CCDC183: variants seen among roughly 807,000 people sequenced by gnomAD.
CCDC183 encodes the protein coiled-coil domain containing 183, also known as coiled-coil domain-containing protein 183.
A neutral mutation model predicts 65.2 loss-of-function variants in CCDC183; 63 were observed. The ratio of observed to expected loss-of-function variants is 0.97; its 90% CI spans 0.79 to 1.19. The LOEUF is 1.19. CCDC183 is among the 50% of genes most tolerant of loss of function. CCDC183 has a pLI of 0.00. For missense variants in CCDC183, 769 were observed against 689.3 expected (o/e 1.12, Z -1.30); for synonymous variants, 323 against 276.5 (o/e 1.17, Z -1.67).
At chr9:136,805,932 T>C (rs558929770) in intron 9 of CCDC183, 146 bp from the exon 10 acceptor site, 282 of 671,592 alleles carry the variant, frequency 4.2e-4, no homozygotes, top group Middle Eastern at 8.3e-4. Flanking sequence ...AGGTTGAGGC[T>C]GCAGTGAGCT....
At chr9:136,799,562 G>GGCCA (rs1847703943) in intron 2 of CCDC183, 151 bp from the exon 3 acceptor site, 1 of 733,092 alleles carries the variant, frequency 1.4e-6, no homozygotes, top group African/African-American at 1.8e-5. Context: ...GGCCAGGATG[G>GGCCA]GGTCCCGCGG....
At chr9:136,806,728 G>C in intron 11 of CCDC183, 29 bp from the exon 12 acceptor site, 1 of 1,613,440 alleles carries the variant, frequency 6.2e-7, no homozygotes, top group East Asian at 2.2e-5. Flanking sequence ...GGGCCAGAGG[G>C]GAGATGAGAC....
chr9:136,807,719 C>T lies in CCDC183; in HGVS notation c.*29C>T, dbSNP rs562505462. On this transcript the variant is annotated 3_prime_UTR_variant, in exon 14 of 14. Coordinates refer to ENST00000338005, the MANE Select transcript of CCDC183 (RefSeq NM_001039374.5). The stretch of plus-strand genomic sequence containing the variant: ...CGCCGCCCCGCTCCCTGCTTTGCTA[C>T]ACAAATAAACATTTTTCCAGGACTG... 2 of 1,577,450 alleles carry T rather than the reference C, an allele frequency of 1.3e-6. No homozygotes were observed. The highest frequency in any genetic ancestry group is 2.3e-5 in the East Asian group (1 of 42,952).
Position 136,804,218 on chromosome 9 carries a change from C to T in CCDC183, c.667-284C>T. The T allele has an allele frequency of 2.5e-6, 1 of 404,906 alleles. No individual in the cohort carries two copies. The highest frequency in any genetic ancestry group is 4.6e-6 in the Non-Finnish European group (1 of 217,524). The allele number at this position is 404,906 out of a possible 1,614,324, so 25.1% of individuals were successfully genotyped here. Reference sequence around the variant, plus strand: ...TCTGTCTTCAGGCAGGCTGAATGCACTTCCGTGAGTTCTAGGTGGACCTGG... The same window carrying T: ...TCTGTCTTCAGGCAGGCTGAATGCATTTCCGTGAGTTCTAGGTGGACCTGG... On this transcript the variant is annotated intron_variant, in intron 6 of 13. Transcript: ENST00000338005. The surrounding 1 kb of genome is among the most constrained non-coding windows in gnomAD (Gnocchi z 4.1).
At chr9:136,807,387 G>A in intron 13 of CCDC183, 185 bp from the exon 14 acceptor site, 7 of 801,494 alleles carry the variant, frequency 8.7e-6, no homozygotes, top group South Asian at 1.8e-5. Flanking sequence ...GGTTCTGCGG[G>A]AAAGGCTAGG....
Position 136,805,372 on chromosome 9 carries a change from C to A in CCDC183, c.863C>A (p.Thr288Asn). The change falls in exon 9 of 14, where the codon ACC (threonine) becomes AAC (asparagine). Residue 288 changes from threonine to asparagine, a missense_variant. Thr to Asn is a moderately conservative substitution (Grantham distance 65, BLOSUM62 0). Transcript: ENST00000338005. The stretch of plus-strand genomic sequence containing the variant: ...GCTCTGCCAGTGAGGAGAAAAGAGA[C>A]CTCCACAGCAGAAATGGAATACCAG... The part of the protein sequence containing the change: ...TETLKLRRKE[T>N]STAEMEYQSG... 6.2e-7 allele frequency: 1 copy of A among 1,613,492 alleles called. No individual in the cohort carries two copies. The highest frequency in any genetic ancestry group is 8.5e-7 in the Non-Finnish European group (1 of 1,179,810).
intron 8 of CCDC183, 69 bp from the exon 9 acceptor site, chr9:136,805,288 C>G: frequency 7.6e-7 from 1 of 1,322,424 alleles, no homozygotes; most frequent in East Asian, 2.4e-5. Flanking sequence ...ACAGAGGTGT[C>G]TGACAGCCTT....
Position 136,805,400 on chromosome 9 carries a change from G to A in CCDC183, c.891G>A (p.Ser297=), listed in dbSNP as rs149692353. 3.8e-5 allele frequency: 62 copies of A among 1,614,022 alleles called. No individual in the cohort carries two copies. The highest frequency in any genetic ancestry group is 3.6e-4 in the East Asian group (16 of 44,872). ...ETSTAEMEYQ[S]GVTAVVEKVK... is the part of the protein sequence containing the mutation. ...CCACAGCAGAAATGGAATACCAGTC[G>A]GGCGTGACTGCTGTGGTGGAGAAGG... is the stretch of plus-strand genomic sequence containing the variant. Residue 297 remains serine (S), a synonymous_variant, in exon 9 of 14, where the codon TCG becomes TCA. Transcript: ENST00000338005.
chr9:136,802,650 C>A lies in CCDC183; in HGVS notation c.544-14C>A, dbSNP rs779643992. 3.1e-6 allele frequency: 5 copies of A among 1,602,914 alleles called. No individual in the cohort carries two copies. The South Asian group carries it at 4.5e-5, about 14-fold the overall frequency. On this transcript the variant is annotated splice_polypyrimidine_tract_variant and intron_variant, in intron 5 of 13. Coordinates refer to ENST00000338005, the MANE Select transcript of CCDC183 (RefSeq NM_001039374.5). ...CACTCTGTAGGGGCCACAAGAGAAC[C>A]CCATTCAACACAGGTGCTGGCAGGA... is the stretch of plus-strand genomic sequence containing the variant.
chr9:136,797,308 C>G (rs564000995), intron 1 of CCDC183, among the ~76,000 whole-genome samples: 1 of 152,144 alleles, frequency 6.6e-6, no homozygotes, highest in African/African-American at 2.4e-5. Flanking sequence ...TGCTACACTC[C>G]CCTCACCAAG....
In CCDC183 at chr9:136,799,194, G is replaced by T. The variant is rs770810721; in HGVS notation, c.163G>T (p.Gly55Trp). Residue 55 changes from glycine to tryptophan, a missense_variant, in exon 2 of 14, where the codon GGG (glycine) becomes TGG (tryptophan). By Grantham distance (184) the Gly-to-Trp change is radical. Transcript: ENST00000338005. ...LALLRSNIRR[G>W]AQDWALAKKY... Reference sequence around the variant, plus strand: ...CCTCCTGCGCAGCAACATCCGCCGCGGGGCCCAGGACTGGGCTTTGGCCAA... The same window carrying T: ...CCTCCTGCGCAGCAACATCCGCCGCTGGGCCCAGGACTGGGCTTTGGCCAA... 2.5e-6 allele frequency: 4 copies of T among 1,610,118 alleles called. No homozygotes were observed. In the African/African-American group the frequency reaches 5.3e-5, roughly 22 times the overall value.
intron 1 of CCDC183, among the ~76,000 whole-genome samples, chr9:136,796,681 CAT>C (rs767918624): frequency 1.5e-4 from 23 of 152,348 alleles, no homozygotes; most frequent in African/African-American, 4.1e-4. Flanking sequence ...CTCACAGAAA[CAT>C]GTGCTGTATT....
chr9:136,797,741 G>A (rs1428989581), intron 1 of CCDC183, among the ~76,000 whole-genome samples: 1 of 151,946 alleles, frequency 6.6e-6, no homozygotes, highest in Non-Finnish European at 1.5e-5. Context: ...CCCAGCCTCT[G>A]TGTCTTATTT....
chr9:136,796,372 G>GC lies in CCDC183; in HGVS notation c.-26_-25insC. 4.6e-6 allele frequency: 7 copies of GC among 1,518,130 alleles called. No homozygotes were observed. The highest frequency in any genetic ancestry group is 5.4e-6 in the Non-Finnish European group (6 of 1,109,052). 94.0% of individuals were successfully genotyped at this position (1,518,130 alleles called of 1,614,324 possible). ...CCAGGGAGGCTTTGAGGTACACAGG[G>GC]TCCCTTGGGGGGCCTGAGAGCAGCC... On this transcript the variant is annotated 5_prime_UTR_variant, in exon 1 of 14. Coordinates refer to ENST00000338005, the MANE Select transcript of CCDC183 (RefSeq NM_001039374.5).
In CCDC183 at chr9:136,806,869, T is replaced by C; in HGVS notation, c.1389+2T>C. The C allele has an allele frequency of 6.2e-7, 1 of 1,612,962 alleles. No individual in the cohort carries two copies. Among genetic ancestry groups the C allele is most frequent in the Non-Finnish European group, 8.5e-7 (1 of 1,179,848 alleles). ...CAGATGGTGTCCAGGACCGAGGAGG[T>C]AGCCCCGGGCTGGGAGGAACCTGCA... On this transcript the variant is annotated splice_donor_variant, in intron 12 of 13. Coordinates refer to ENST00000338005, the MANE Select transcript of CCDC183 (RefSeq NM_001039374.5). LOFTEE classifies it high-confidence loss of function.
At chr9:136,802,032 G>A (rs1417900922) in intron 5 of CCDC183, among the ~76,000 whole-genome samples, 3 of 152,058 alleles carry the variant, frequency 2.0e-5, no homozygotes, top group Non-Finnish European at 4.4e-5. Flanking sequence ...CTCATGATCT[G>A]CCTGCCTCCG....
intron 3 of CCDC183, 44 bp from the exon 4 acceptor site, chr9:136,799,958 G>T (rs1170345347): frequency 6.4e-7 from 1 of 1,554,128 alleles, no homozygotes; most frequent in Non-Finnish European, 8.7e-7. Context: ...CTCCATGGCG[G>T]CCCCCTACGC....
In CCDC183 at chr9:136,807,609, C is replaced by G. The variant is rs1235768075; in HGVS notation, c.1524C>G (p.Val508=). ...FQFPDMDHSY[V]PSRAEIKRQA... Reference sequence around the variant, plus strand: ...TCCCCGACATGGACCACAGCTACGTCCCTTCGCGCGCCGAGATCAAGAGGC... The same window carrying G: ...TCCCCGACATGGACCACAGCTACGTGCCTTCGCGCGCCGAGATCAAGAGGC... The change falls in exon 14 of 14, where the codon GTC becomes GTG. Residue 508 remains valine, a synonymous_variant. Transcript: ENST00000338005. 1.2e-6 allele frequency: 2 copies of G among 1,605,846 alleles called. No homozygotes were observed. The highest frequency in any genetic ancestry group is 1.7e-6 in the Non-Finnish European group (2 of 1,176,716).
At chr9:136,805,525 C>T (rs2131138679) in intron 9 of CCDC183, 68 bp downstream of exon 9, 5 of 1,379,758 alleles carry the variant, frequency 3.6e-6, no homozygotes, top group Non-Finnish European at 4.1e-6. Context: ...GGGTAATGCT[C>T]CCTGGCACTC....
Sources: gnomAD v4.1 joint callset for allele counts (sites outside exome capture counted in the v4.1 genomes callset) on GRCh38, gnomAD v4.1.1 for gene constraint, Gnocchi (gnomAD v3.1) non-coding constraint, MANE v1.5 for transcripts, NCBI Gene and HGNC (gene_info 2026-07-23, HGNC 2026-07-21) for gene names.